Variants in RAB22A observed in about 807,000 individuals in gnomAD.
The protein encoded by RAB22A is ras-related protein Rab-22A.
Under a neutral mutation model 30.2 loss-of-function variants are expected in RAB22A, and 13 were observed. The ratio of observed to expected loss-of-function variants is 0.43; its 90% CI spans 0.28 to 0.68. The LOEUF is 0.68. RAB22A is among the 30% of genes least tolerant of loss of function. The pLI, the probability that RAB22A is intolerant of heterozygous loss-of-function variation, is 0.18. For synonymous variants in RAB22A, 89 were observed against 87.2 expected (o/e 1.02, Z -0.11); for missense variants, 177 against 246.8 (o/e 0.72, Z 1.89).
rs960381161 is a variant in RAB22A, at chr20:58,309,951, G to A, written c.-26G>A. 10 of 1,263,806 alleles carry A rather than the reference G, an allele frequency of 7.9e-6. No individual in the cohort carries two copies. The African/African-American group carries it at 1.1e-4, about 14-fold the overall frequency. The allele number at this position is 1,263,806 out of a possible 1,614,324, so 78.3% of individuals were successfully genotyped here. A position where few individuals can be genotyped will look rare whatever the true frequency, so the allele number is the denominator to read the frequency against. ...TCCCTTCTCAACTTAGGGCGGCGGC[G>A]GGCCCGCGCCCCTGGCTCCCGGGCC... On this transcript the variant is annotated 5_prime_UTR_variant, in exon 1 of 7. Transcript: ENST00000244040.
intron 1 of RAB22A, among the ~76,000 whole-genome samples, chr20:58,310,617 A>C (rs1986205692): frequency 6.6e-6 from 1 of 152,200 alleles, no homozygotes; most frequent in Admixed American, 6.5e-5. Context: ...TCTGAAATTG[A>C]TGCTGTCATT....
chr20:58,327,584 G>A (rs938461142), intron 2 of RAB22A, among the ~76,000 whole-genome samples: 7 of 152,172 alleles, frequency 4.6e-5, no homozygotes, highest in Admixed American at 1.3e-4. Flanking sequence ...AGTGCCTTTC[G>A]TGACCTACTT....
chr20:58,316,816 T>A lies in RAB22A; in HGVS notation c.116+5694T>A, dbSNP rs539932718. 4.6e-5 allele frequency among the ~76,000 whole-genome samples: 7 copies of A among 152,300 alleles called. No individual in the cohort carries two copies. The East Asian group carries it at 1.4e-3, about 29-fold the overall frequency. ...GCTTGGATCTCTCCTCCTCTTTCCA[T>A]GGACCTTGGGGTAGAGGAAAGGACC... is the stretch of plus-strand genomic sequence containing the variant. On this transcript the variant is annotated intron_variant, in intron 2 of 6. Coordinates refer to ENST00000244040, the MANE Select transcript of RAB22A (RefSeq NM_020673.3).
At chr20:58,334,351 T>TC (rs1406033356) in intron 2 of RAB22A, among the ~76,000 whole-genome samples, 4 of 151,028 alleles carry the variant, frequency 2.6e-5, no homozygotes, top group Non-Finnish European at 4.4e-5. Flanking sequence ...AAAAAAAAAT[T>TC]CTTTTTTTTA....
chr20:58,365,672 T>A lies in RAB22A; in HGVS notation c.*5969T>A, dbSNP rs955882507. On this transcript the variant is annotated 3_prime_UTR_variant, in exon 7 of 7. Transcript: ENST00000244040. ...ACTGATGGGTGGCTTTTTTTTCTTT[T>A]TTTTTTTGAGACGGAGTCTCGCTCT... 6.6e-6 allele frequency: 1 copy of A among 152,434 alleles called. No homozygotes were observed. The highest frequency in any genetic ancestry group is 2.4e-5 in the African/African-American group (1 of 41,544). The allele number at this position is 152,434 out of a possible 1,614,324, so 9.4% of individuals were successfully genotyped here.
In RAB22A at chr20:58,319,602, T is replaced by C. The variant is rs1986413040; in HGVS notation, c.116+8480T>C. 2.6e-5 allele frequency among the ~76,000 whole-genome samples: 4 copies of C among 152,212 alleles called. 1 individual carries two copies. In the South Asian group the frequency reaches 8.3e-4, roughly 32 times the overall value. ...AGTTCCTCAAAAGAGCCAGGTGAGA[T>C]CTTGATTGGGAACACATTGAATCTC... is the stretch of plus-strand genomic sequence containing the variant. On this transcript the variant is annotated intron_variant, in intron 2 of 6. Transcript: ENST00000244040.
chr20:58,340,379 C>G (rs562303144), intron 2 of RAB22A, among the ~76,000 whole-genome samples: 1 of 152,266 alleles, frequency 6.6e-6, no homozygotes, highest in South Asian at 2.1e-4. Context: ...GAGCCACTTC[C>G]CACATACCCT....
intron 2 of RAB22A, among the ~76,000 whole-genome samples, chr20:58,338,884 G>C (rs977131221): frequency 2.0e-5 from 3 of 152,208 alleles, no homozygotes; most frequent in African/African-American, 7.2e-5. Flanking sequence ...TTCTAGTTTT[G>C]AGAAGTGAGA....
rs1197482575 is a variant in RAB22A, at chr20:58,362,490, G to GCC, written c.*2787_*2788insCC. 3 of 152,146 alleles carry GCC rather than the reference G, an allele frequency of 2.0e-5. No individual in the cohort carries two copies. Among genetic ancestry groups the GCC allele is most frequent in the Non-Finnish European group, 4.4e-5 (3 of 68,018 alleles). The allele number at this position is 152,146 out of a possible 1,614,324, so 9.4% of individuals were successfully genotyped here. ...CCATTTTTTTAAAACTCTCAGGACT[G>GCC]AACAGAAGAGAAAAATTATTAATTA... On this transcript the variant is annotated 3_prime_UTR_variant, in exon 7 of 7. Transcript: ENST00000244040.
intron 2 of RAB22A, among the ~76,000 whole-genome samples, chr20:58,333,793 A>G (rs1986699699): frequency 6.6e-6 from 1 of 152,220 alleles, no homozygotes; most frequent in Non-Finnish European, 1.5e-5. Context: ...CATGGCTCAC[A>G]CTTATAATCC....
rs1403177925 is a variant in RAB22A, at chr20:58,310,874, CTAAT to C, written c.37-166_37-163del. ...TCCCTTTTAGTACAGTTGGAATTTC[CTAAT>C]TACTCTACTGAATTTTTATGACAAC... On this transcript the variant is annotated intron_variant, in intron 1 of 6. Transcript: ENST00000244040. 3.9e-5 allele frequency among the ~76,000 whole-genome samples: 6 copies of C among 152,310 alleles called. No homozygotes were observed. The East Asian group carries it at 1.2e-3, about 29-fold the overall frequency.
intron 2 of RAB22A, among the ~76,000 whole-genome samples, chr20:58,320,962 C>T (rs182246418): frequency 2.0e-5 from 3 of 151,968 alleles, no homozygotes; most frequent in Non-Finnish European, 2.9e-5. Flanking sequence ...GAGGCCGAGG[C>T]GGGTAGATCA....
At chr20:58,330,444 T>C (rs1379003000) in intron 2 of RAB22A, among the ~76,000 whole-genome samples, 1 of 152,182 alleles carries the variant, frequency 6.6e-6, no homozygotes, top group Non-Finnish European at 1.5e-5. Flanking sequence ...CTGTTACATC[T>C]ACTTTTTTTT....
intron 3 of RAB22A, among the ~76,000 whole-genome samples, chr20:58,351,182 C>T (rs1483947486): frequency 6.6e-6 from 1 of 151,860 alleles, no homozygotes; most frequent in South Asian, 2.1e-4. Flanking sequence ...ACTAAAAATA[C>T]AAAAGTTAGC....
In RAB22A at chr20:58,366,567, T is replaced by C. The variant is rs1347666456; in HGVS notation, c.*6864T>C. On this transcript the variant is annotated 3_prime_UTR_variant, in exon 7 of 7. Transcript: ENST00000244040. Reference sequence around the variant, plus strand: ...CACATTCGATACAGGTATCAAAATATCATAGGCACCTCAAAGACATGTACA... The same window carrying C: ...CACATTCGATACAGGTATCAAAATACCATAGGCACCTCAAAGACATGTACA... 2 of 152,086 alleles carry C rather than the reference T, an allele frequency of 1.3e-5. No individual in the cohort carries two copies. Among genetic ancestry groups the C allele is most frequent in the Non-Finnish European group, 2.9e-5 (2 of 68,024 alleles). The allele number at this position is 152,086 out of a possible 1,614,324, so 9.4% of individuals were successfully genotyped here.
At chr20:58,345,955 GC>G (rs924069303) in intron 3 of RAB22A, 5 of 152,596 alleles carry the variant, frequency 3.3e-5, no homozygotes, top group African/African-American at 1.2e-4. Flanking sequence ...CCTAAAGGGG[GC>G]TTTCCTGCCA....
At chr20:58,347,586 A>G (rs1381988206) in intron 3 of RAB22A, among the ~76,000 whole-genome samples, 1 of 152,244 alleles carries the variant, frequency 6.6e-6, no homozygotes, top group Non-Finnish European at 1.5e-5. Context: ...TTCATAGCCA[A>G]GTTATCAATC....
chr20:58,318,549 C>T (rs2122927575), intron 2 of RAB22A, among the ~76,000 whole-genome samples: 1 of 151,980 alleles, frequency 6.6e-6, no homozygotes, highest in African/African-American at 2.4e-5. Flanking sequence ...AATCAGAAAC[C>T]CTTCTTTTTT....
intron 5 of RAB22A, 103 bp downstream of exon 5, chr20:58,353,641 G>A: frequency 9.6e-7 from 1 of 1,042,822 alleles, no homozygotes. Context: ...CTCTGACATT[G>A]AAAAATTCCT....
Sources: gnomAD v4.1 joint callset for allele counts (sites outside exome capture counted in the v4.1 genomes callset) on GRCh38, gnomAD v4.1.1 for gene constraint, MANE v1.5 for transcripts, NCBI Gene and HGNC (gene_info 2026-07-23, HGNC 2026-07-21) for gene names.